SYNPR: variants seen among roughly 807,000 people sequenced by gnomAD.
The protein encoded by SYNPR is synaptoporin.
In SYNPR, 23 loss-of-function variants were observed where a neutral mutation model predicts 32.9. That is an observed-to-expected ratio of 0.70 (90% CI 0.50 to 0.99). The LOEUF is 0.99. Ranked by LOEUF, SYNPR falls within the 50% of genes least tolerant of loss-of-function variation. The probability of loss-of-function intolerance (pLI) is 0.00; values close to 1 mark genes in which losing one functional copy is unlikely to be tolerated. For missense variants in SYNPR, 318 were observed against 349.3 expected, an observed-to-expected ratio of 0.91 and a Z score of 0.71; for synonymous variants, 146 against 135.9, an observed-to-expected ratio of 1.07 and a Z score of -0.52.
chr3:63,543,082 T>C (rs186717778), intron 3 of SYNPR, among the ~76,000 whole-genome samples: 22 of 152,268 alleles, frequency 1.4e-4, no homozygotes, highest in Admixed American at 1.3e-3. Flanking sequence ...TACAAAAATA[T>C]GCAAATGCAC....
At chr3:63,289,853 G>A (rs965584548) in intron 2 of SYNPR, among the ~76,000 whole-genome samples, 22 of 151,986 alleles carry the variant, frequency 1.4e-4, no homozygotes, top group Admixed American at 6.6e-4. Flanking sequence ...CTTTTCAGCC[G>A]GGCGCGGTGT....
At chr3:63,369,388 G>A (rs1222281153) in intron 2 of SYNPR, among the ~76,000 whole-genome samples, 2 of 152,170 alleles carry the variant, frequency 1.3e-5, no homozygotes, top group East Asian at 3.9e-4. Context: ...GGTTAAGTGT[G>A]GAAAGAGGAG....
intron 2 of SYNPR, among the ~76,000 whole-genome samples, chr3:63,304,715 G>A (rs1238667614): frequency 6.6e-6 from 1 of 151,890 alleles, no homozygotes; most frequent in Non-Finnish European, 1.5e-5. Flanking sequence ...CTCACTGGAA[G>A]AAAAGTAAAG....
chr3:63,516,152 G>A (rs1701795647), intron 3 of SYNPR, among the ~76,000 whole-genome samples: 1 of 152,004 alleles, frequency 6.6e-6, no homozygotes, highest in Non-Finnish European at 1.5e-5. Context: ...CAACCCATTA[G>A]CACTGGCTAT....
chr3:63,385,799 C>T (rs184020688), intron 2 of SYNPR, among the ~76,000 whole-genome samples: 131 of 152,270 alleles, frequency 8.6e-4, no homozygotes, highest in African/African-American at 2.7e-3. Context: ...ATGCTGTTTA[C>T]GCTTCTGATG....
intron 2 of SYNPR, among the ~76,000 whole-genome samples, chr3:63,326,047 C>T (rs971976408): frequency 2.0e-5 from 3 of 151,888 alleles, no homozygotes; most frequent in Middle Eastern, 3.4e-3. Flanking sequence ...CAAATGGTGA[C>T]CCCATGTTTC....
chr3:63,472,786 C>T (rs1700828249), intron 2 of SYNPR, among the ~76,000 whole-genome samples: 1 of 152,108 alleles, frequency 6.6e-6, no homozygotes, highest in Non-Finnish European at 1.5e-5. Context: ...AATGCCTCTC[C>T]CTTGCTGAAA....
rs533626977 is a variant in SYNPR, at chr3:63,615,825, G to T, written c.*344G>T. On this transcript the variant is annotated 3_prime_UTR_variant, in exon 6 of 6. Transcript: ENST00000478300. ...ATATGCATAAAGTAAATCAAATAGC[G>T]TTGAGTTTTCTTATGCATTTTGATG... 3 of 175,628 alleles carry T rather than the reference G, an allele frequency of 1.7e-5. No individual in the cohort carries two copies. The highest frequency in any genetic ancestry group is 2.4e-5 in the Non-Finnish European group (2 of 83,810). The allele number at this position is 175,628 out of a possible 1,614,324, so 10.9% of individuals were successfully genotyped here. A position where few individuals can be genotyped will look rare whatever the true frequency, so the allele number is the denominator to read the frequency against.
chr3:63,481,447 A>ATGTG (rs1271874096), intron 3 of SYNPR, among the ~76,000 whole-genome samples: 1,455 of 134,866 alleles, frequency 0.011, 16 homozygotes, highest in Non-Finnish European at 0.015. Flanking sequence ...ATATATATAT[A>ATGTG]TATATGTGTG....
intron 2 of SYNPR, among the ~76,000 whole-genome samples, chr3:63,262,738 G>A (rs2086449694): frequency 6.6e-6 from 1 of 152,174 alleles, no homozygotes; most frequent in Non-Finnish European, 1.5e-5. Context: ...AAAGTCCAGA[G>A]CCAAGTAGGT....
At position 63,556,537 on chromosome 3, in the gene SYNPR, A is replaced by G. The variant is rs1436108512; in HGVS notation, c.210-6A>G. Reference sequence around the variant, plus strand: ...AAAGAATGTCTCCTTAAATCTGGCAATTTAGGTTGCACCAGGTGACGTTTG... The same window carrying G: ...AAAGAATGTCTCCTTAAATCTGGCAGTTTAGGTTGCACCAGGTGACGTTTG... On this transcript the variant is annotated splice_polypyrimidine_tract_variant and splice_region_variant and intron_variant, in intron 3 of 5. Transcript: ENST00000478300. The G allele has an allele frequency of 3.1e-6, 5 of 1,605,096 alleles. No individual in the cohort carries two copies. Among genetic ancestry groups the G allele is most frequent in the Non-Finnish European group, 4.3e-6 (5 of 1,175,272 alleles).
chr3:63,595,693 G>C (rs1415777675), intron 4 of SYNPR, among the ~76,000 whole-genome samples: 2 of 119,190 alleles, frequency 1.7e-5, no homozygotes, highest in Non-Finnish European at 3.5e-5. Context: ...GTGCCTGATG[G>C]TGGTGGGACT....
chr3:63,349,228 G>A (rs1165967995), intron 2 of SYNPR, among the ~76,000 whole-genome samples: 6 of 151,880 alleles, frequency 4.0e-5, no homozygotes, highest in Non-Finnish European at 8.8e-5. Flanking sequence ...TCAGCCTCCT[G>A]AGTAGCTGAG....
At chr3:63,434,816 C>T (rs951182390) in intron 2 of SYNPR, among the ~76,000 whole-genome samples, 3 of 152,152 alleles carry the variant, frequency 2.0e-5, no homozygotes, top group African/African-American at 7.2e-5. Flanking sequence ...TGTATCTCTG[C>T]TATTTTTGAC....
intron 2 of SYNPR, among the ~76,000 whole-genome samples, chr3:63,257,475 A>T (rs1370933865): frequency 6.6e-6 from 1 of 152,140 alleles, no homozygotes; most frequent in Non-Finnish European, 1.5e-5. Context: ...ACTAAACTTC[A>T]TAAGTGAAGG....
chr3:63,565,199 C>T (rs906511241), intron 4 of SYNPR, among the ~76,000 whole-genome samples: 83 of 152,152 alleles, frequency 5.5e-4, no homozygotes, highest in Non-Finnish European at 2.5e-4. Flanking sequence ...TTTTCAACTC[C>T]TGTCCTATGG....
chr3:63,609,130 C>A lies in SYNPR; in HGVS notation c.414C>A (p.Phe138Leu). 1 of 1,604,252 alleles carries A rather than the reference C, an allele frequency of 6.2e-7. No individual in the cohort carries two copies. Among genetic ancestry groups the A allele is most frequent in the Non-Finnish European group, 8.5e-7 (1 of 1,175,494 alleles). The stretch of plus-strand genomic sequence containing the variant: ...ATTCTGATTTGTTTCTGTAGGACTT[C>A]ATTGTCACTGTAGTCTTTTCGTTCT... The part of the protein sequence containing the change: ...RENNRGPLID[F>L]IVTVVFSFLW... The change falls in exon 5 of 6, where the codon TTC (phenylalanine) becomes TTA (leucine). Residue 138 changes from phenylalanine (F) to leucine (L), a missense_variant. Transcript: ENST00000478300.
At chr3:63,417,731 C>T (rs896552727) in intron 2 of SYNPR, among the ~76,000 whole-genome samples, 67 of 152,214 alleles carry the variant, frequency 4.4e-4, no homozygotes, top group Admixed American at 3.1e-3. Context: ...AGGCTTGGGG[C>T]TTGCACCCTC....
Position 63,247,541 on chromosome 3 carries a change from G to A in SYNPR, n.67-4958G>A, listed in dbSNP as rs150042765. The stretch of plus-strand genomic sequence containing the variant: ...CTCTGCCTATGGAGTGTGCTGAGCT[G>A]GGCAAGGCACTATCCCAAAAGGTCG... On this transcript the variant is annotated intron_variant and non_coding_transcript_variant, in intron 1 of 4. Coordinates refer to the SYNPR transcript ENST00000478456. Among the ~76,000 whole-genome samples the A allele has an allele frequency of 9.1e-3, 1,377 of 152,110 alleles. 8 individuals carry two copies. Among genetic ancestry groups the A allele is most frequent in the Non-Finnish European group, 0.014 (971 of 67,980 alleles).
Sources: allele counts gnomAD v4.1 joint callset (sites outside exome capture counted in the v4.1 genomes callset), GRCh38; gene constraint gnomAD v4.1.1; transcripts MANE v1.5; gene names NCBI Gene and HGNC (gene_info 2026-07-23, HGNC 2026-07-21).